Variants in LRRN2 observed in about 807,000 individuals in gnomAD.
LRRN2 encodes the protein leucine-rich repeat neuronal protein 2.
In LRRN2, 10 loss-of-function variants were observed where a neutral mutation model predicts 35.7. That is an observed-to-expected ratio of 0.28 (90% CI 0.17 to 0.47). The LOEUF (loss-of-function observed/expected upper bound fraction) is 0.47. Ranked by LOEUF, LRRN2 falls within the 20% of genes least tolerant of loss-of-function variation. The pLI, the probability that LRRN2 is intolerant of heterozygous loss-of-function variation, is 0.99. For missense variants in LRRN2, 731 were observed against 940.3 expected, an observed-to-expected ratio of 0.78 and a Z score of 2.91; for synonymous variants, 391 against 409.6, an observed-to-expected ratio of 0.95 and a Z score of 0.55.
At chr1:204,684,693 G>A (rs1189654677) in intron 1 of LRRN2, among the ~76,000 whole-genome samples, 1 of 151,992 alleles carries the variant, frequency 6.6e-6, no homozygotes, top group Non-Finnish European at 1.5e-5. Flanking sequence ...TCCCCAGGCT[G>A]AGCCCCAGGC....
intron 1 of LRRN2, among the ~76,000 whole-genome samples, chr1:204,673,766 C>G (rs1668759254): frequency 6.6e-6 from 1 of 152,172 alleles, no homozygotes; most frequent in Admixed American, 6.5e-5. Context: ...CCTCTCAGCC[C>G]CTGTGATTGC....
chr1:204,619,791 G>T lies in LRRN2; in HGVS notation c.202C>A (p.Pro68Thr), dbSNP rs1483665284. Residue 68 changes from proline to threonine, a missense_variant, in exon 2 of 2, where the codon CCC becomes ACC. Transcript: ENST00000367177. ...LFLTAVPPAL[P>T]AGTQTLLLQS... ...AGGAGCAGGGTCTGTGTGCCTGCGG[G>T]GAGTGCCGGGGGGACTGCCGTCAGG... The T allele has an allele frequency of 1.2e-6, 2 of 1,614,086 alleles. No individual in the cohort carries two copies. Among genetic ancestry groups the T allele is most frequent in the Non-Finnish European group, 1.7e-6 (2 of 1,180,032 alleles).
At chr1:204,681,138 G>A (rs1668939980) in intron 1 of LRRN2, among the ~76,000 whole-genome samples, 1 of 152,024 alleles carries the variant, frequency 6.6e-6, no homozygotes, top group African/African-American at 2.4e-5. Context: ...TGTATTTTTA[G>A]CAGAGATGGG....
intron 1 of LRRN2, among the ~76,000 whole-genome samples, chr1:204,622,735 C>T (rs1197027486): frequency 6.6e-6 from 1 of 152,124 alleles, no homozygotes; most frequent in African/African-American, 2.4e-5. Flanking sequence ...TCCTGCCACA[C>T]TTACATACCA....
At chr1:204,659,424 C>T (rs552209626) in intron 1 of LRRN2, among the ~76,000 whole-genome samples, 11 of 152,250 alleles carry the variant, frequency 7.2e-5, no homozygotes, top group African/African-American at 1.7e-4. Context: ...GCATGGAGCC[C>T]GGCCTGAAGT....
In LRRN2 at chr1:204,633,345, G is replaced by A. The variant is rs1319792041; in HGVS notation, c.-226-13127C>T. ...TACGATCTATGTGATTCTCACGGTA[G>A]CCCTCTGAAGTCAAAGGGGCCATTA... On this transcript the variant is annotated intron_variant, in intron 1 of 1. Coordinates refer to ENST00000367177, the MANE Select transcript of LRRN2 (RefSeq NM_201630.2). 3 of 152,188 alleles carry A rather than the reference G, an allele frequency of 2.0e-5. No homozygotes were observed. The East Asian group carries it at 5.8e-4, about 29-fold the overall frequency. 9.4% of individuals were successfully genotyped at this position (152,188 alleles called of 1,614,324 possible). A position where few individuals can be genotyped will look rare whatever the true frequency, so the allele number is the denominator to read the frequency against.
At chr1:204,676,069 T>C (rs1458606871) in intron 1 of LRRN2, among the ~76,000 whole-genome samples, 2 of 152,238 alleles carry the variant, frequency 1.3e-5, no homozygotes, top group Non-Finnish European at 2.9e-5. Flanking sequence ...CCATTCCCTA[T>C]ATACCCTGAA....
At chr1:204,647,212 G>A (rs1668125884) in intron 1 of LRRN2, among the ~76,000 whole-genome samples, 1 of 151,216 alleles carries the variant, frequency 6.6e-6, no homozygotes, top group Non-Finnish European at 1.5e-5. Flanking sequence ...TAAAGAGACT[G>A]GTCTGGCAGG....
At chr1:204,672,080 G>T (rs962040667) in intron 1 of LRRN2, among the ~76,000 whole-genome samples, 1 of 152,228 alleles carries the variant, frequency 6.6e-6, no homozygotes, top group South Asian at 2.1e-4. Flanking sequence ...ATAAAGGTGA[G>T]TGGGGAGGAT....
rs78691084 is a variant in LRRN2 at position 204,670,000 on chromosome 1, C to T, written c.-227+15320G>A. ...CATTTTTTAGTTCTCAGAAGCATTT[C>T]CACTCGTTTTTTTTTTTGTTTGTTT... On this transcript the variant is annotated intron_variant, in intron 1 of 1. Transcript: ENST00000367177. Among the ~76,000 whole-genome samples the T allele has an allele frequency of 0.013, 370 of 28,636 alleles. 13 individuals carry two copies. In the East Asian group the frequency reaches 0.42, roughly 33 times the overall value. 18.8% of individuals were successfully genotyped at this position (28,636 alleles called of 152,430 possible).
chr1:204,642,704 C>T (rs2102602765), intron 1 of LRRN2, among the ~76,000 whole-genome samples: 1 of 152,344 alleles, frequency 6.6e-6, no homozygotes, highest in East Asian at 1.9e-4. Context: ...TTTCTCTGGT[C>T]CCAGCCAGAA....
Position 204,619,837 on chromosome 1 carries a change from A to C in LRRN2, c.156T>G (p.Thr52=). 1 of 1,613,840 alleles carries C rather than the reference A, an allele frequency of 6.2e-7. No individual in the cohort carries two copies. Among genetic ancestry groups the C allele is most frequent in the East Asian group, 2.2e-5 (1 of 44,862 alleles). Residue 52 remains threonine (T), a synonymous_variant, in exon 2 of 2, where the codon ACT becomes ACG. Coordinates refer to ENST00000367177, the MANE Select transcript of LRRN2 (RefSeq NM_201630.2). ...TCAGGAATAGGTCATTGCAGTCCAC[A>C]GTGGTAGCCTCGCGGTAGGACGAGC... ...TPRSSYREAT[T]VDCNDLFLTA... is the part of the protein sequence containing the mutation.
At chr1:204,647,683 G>A (rs1009697420) in intron 1 of LRRN2, among the ~76,000 whole-genome samples, 5 of 152,244 alleles carry the variant, frequency 3.3e-5, no homozygotes, top group Admixed American at 3.3e-4. Context: ...CCAGATGGAC[G>A]GCTCTGATTT....
chr1:204,683,307 GA>G (rs1668993150), intron 1 of LRRN2, among the ~76,000 whole-genome samples: 2 of 152,212 alleles, frequency 1.3e-5, no homozygotes, highest in South Asian at 4.1e-4. Flanking sequence ...CAGTTTACAG[GA>G]GAAGCAGGGC....
intron 1 of LRRN2, chr1:204,621,722 GC>G (rs1377128103): frequency 6.0e-6 from 1 of 167,114 alleles, no homozygotes; most frequent in African/African-American, 2.4e-5. Context: ...TCTCTCAGAT[GC>G]CAGGGCCATG....
intron 1 of LRRN2, among the ~76,000 whole-genome samples, chr1:204,631,262 ATATATATATATATATATATATATATAT>A (rs1480841532): frequency 5.3e-5 from 2 of 37,928 alleles, no homozygotes; most frequent in South Asian, 1.0e-3. Flanking sequence ...TGTTCTATAT[ATATATATATATATATATATATATATAT>A]ATATATATAT....
At chr1:204,630,062 A>G (rs1054516651) in intron 1 of LRRN2, among the ~76,000 whole-genome samples, 8 of 152,266 alleles carry the variant, frequency 5.3e-5, no homozygotes, top group South Asian at 2.1e-4. Flanking sequence ...CTCAGTAACA[A>G]ATCTGCACAT....
chr1:204,650,736 G>A (rs984624153), intron 1 of LRRN2, among the ~76,000 whole-genome samples: 1 of 152,184 alleles, frequency 6.6e-6, no homozygotes, highest in Non-Finnish European at 1.5e-5. Context: ...CCCACTGTGT[G>A]CCAAGTGTTG....
intron 1 of LRRN2, chr1:204,628,104 C>T (rs966258841): frequency 6.6e-6 from 1 of 152,304 alleles, no homozygotes; most frequent in African/African-American, 2.4e-5. Context: ...AGGAAAGAGA[C>T]AAACATCATC....
Sources: allele counts gnomAD v4.1 joint callset (sites outside exome capture counted in the v4.1 genomes callset), GRCh38; gene constraint gnomAD v4.1.1; transcripts MANE v1.5; gene names NCBI Gene and HGNC (gene_info 2026-07-23, HGNC 2026-07-21).